The following PRKN variants were observed in gnomAD, a reference collection of about 807,000 sequenced individuals.
PRKN encodes the protein parkin RBR E3 ubiquitin protein ligase, also known as E3 ubiquitin-protein ligase parkin.
In PRKN, 56 loss-of-function variants were observed where a neutral mutation model predicts 59.5. That is an observed-to-expected ratio of 0.94 (90% CI 0.76 to 1.18). The LOEUF is 1.18. Ranked by LOEUF, PRKN falls within the 50% of genes most tolerant of loss-of-function variation. The probability of loss-of-function intolerance (pLI) is 0.00; values close to 1 mark genes in which losing one functional copy is unlikely to be tolerated. For synonymous variants in PRKN, 250 were observed against 222.1 expected (o/e 1.13, Z -1.12); for missense variants, 657 against 596.4 (o/e 1.10, Z -1.06).
In PRKN at chr6:161,376,082, G is replaced by A. The variant is rs1244113857; in HGVS notation, c.1167+10712C>T. Among the ~76,000 whole-genome samples, 1 of 152,210 alleles carries A rather than the reference G, an allele frequency of 6.6e-6. No individual in the cohort carries two copies. Among genetic ancestry groups the A allele is most frequent in the African/African-American group, 2.4e-5 (1 of 41,454 alleles). On this transcript the variant is annotated intron_variant, in intron 10 of 11. Transcript: ENST00000366898. This position sits in a 1 kb window ranked among gnomAD's most constrained non-coding sequence, Gnocchi z 7.3. The stretch of plus-strand genomic sequence containing the variant: ...AATGGCTGAGAGACGGCTCTGCGGT[G>A]AGATGCTGGGGCAAAATAGATCAAA...
intron 9 of PRKN, among the ~76,000 whole-genome samples, chr6:161,450,221 C>T (rs918173105): frequency 2.6e-5 from 4 of 152,152 alleles, no homozygotes; most frequent in African/African-American, 9.7e-5. Flanking sequence ...CCCTGATTGC[C>T]ACTGGCAAAG....
At chr6:161,746,588 C>T (rs1056594241) in intron 7 of PRKN, among the ~76,000 whole-genome samples, 1 of 140,602 alleles carries the variant, frequency 7.1e-6, no homozygotes, top group Non-Finnish European at 1.5e-5. Context: ...TATATATATA[C>T]ACACACACAT....
chr6:161,607,197 C>T (rs1782315117), intron 7 of PRKN, among the ~76,000 whole-genome samples: 1 of 152,230 alleles, frequency 6.6e-6, no homozygotes, highest in Admixed American at 6.5e-5. Flanking sequence ...CCCTTCCTCA[C>T]ATCCTGTTCA....
chr6:161,779,956 C>T (rs1790134872), intron 7 of PRKN, among the ~76,000 whole-genome samples: 1 of 152,132 alleles, frequency 6.6e-6, no homozygotes, highest in Non-Finnish European at 1.5e-5. Context: ...TAAATATACA[C>T]ATACATGCAG....
intron 4 of PRKN, among the ~76,000 whole-genome samples, chr6:162,162,266 C>A (rs1015382090): frequency 1.8e-4 from 28 of 152,192 alleles, no homozygotes; most frequent in Admixed American, 1.6e-3. Flanking sequence ...CCGCACCTGA[C>A]CTTACATAGC....
chr6:161,380,941 A>C (rs1785951548), intron 10 of PRKN, among the ~76,000 whole-genome samples: 1 of 152,138 alleles, frequency 6.6e-6, no homozygotes, highest in Non-Finnish European at 1.5e-5. Context: ...ACAACAAGCC[A>C]TGCCCACTCC....
At chr6:161,569,548 C>A (rs1780791806) in intron 7 of PRKN, 132 bp from the exon 8 acceptor site, 2 of 770,306 alleles carry the variant, frequency 2.6e-6, no homozygotes, top group Non-Finnish European at 4.5e-6. Context: ...CTGAAAAACA[C>A]ACATCTAACC....
chr6:162,651,223 T>C (rs1005756105), intron 1 of PRKN, among the ~76,000 whole-genome samples: 3 of 152,186 alleles, frequency 2.0e-5, no homozygotes, highest in Non-Finnish European at 2.9e-5. Flanking sequence ...TCCTGGTACA[T>C]TTTTCAGAAA....
intron 2 of PRKN, among the ~76,000 whole-genome samples, chr6:162,323,133 A>C (rs1713788483): frequency 6.6e-6 from 1 of 151,236 alleles, no homozygotes. Flanking sequence ...ATGACGAGTT[A>C]GTGGGTGCAG....
At chr6:162,160,503 C>T (rs1782706339) in intron 4 of PRKN, among the ~76,000 whole-genome samples, 1 of 152,012 alleles carries the variant, frequency 6.6e-6, no homozygotes, top group Non-Finnish European at 1.5e-5. Context: ...CAGGTATTTA[C>T]AGATATCAAA....
chr6:161,990,151 C>G (rs553667457), intron 5 of PRKN, among the ~76,000 whole-genome samples: 132 of 152,220 alleles, frequency 8.7e-4, no homozygotes, highest in Non-Finnish European at 1.3e-3. Flanking sequence ...TTGGCATACC[C>G]AAACCACTGG....
At chr6:162,040,572 ATTTT>A (rs35272845) in intron 5 of PRKN, among the ~76,000 whole-genome samples, 1 of 113,080 alleles carries the variant, frequency 8.8e-6, no homozygotes, top group Admixed American at 9.6e-5. Context: ...ATGCCCGGCT[ATTTT>A]TTTTTTTTTT....
Position 161,360,057 on chromosome 6 carries a change from C to T in PRKN, c.1285+31G>A, listed in dbSNP as rs1164544607. 1 of 1,458,544 alleles carries T rather than the reference C, an allele frequency of 6.9e-7. No homozygotes were observed. The highest frequency in any genetic ancestry group is 9.6e-7 in the Non-Finnish European group (1 of 1,037,876). The allele number at this position is 1,458,544 out of a possible 1,614,324, so 90.4% of individuals were successfully genotyped here. ...TGATTCTCCCCCAAAGAGCACACGA[C>T]ATCCTCATTCTCTGCTCAGCACAGA... is the stretch of plus-strand genomic sequence containing the variant. On this transcript the variant is annotated intron_variant, in intron 11 of 11. Transcript: ENST00000366898. The surrounding 1 kb of genome is among the most constrained non-coding windows in gnomAD (Gnocchi z 5.1).
chr6:161,845,315 C>T (rs921220201), intron 6 of PRKN, among the ~76,000 whole-genome samples: 6 of 152,120 alleles, frequency 3.9e-5, no homozygotes, highest in South Asian at 2.1e-4. Context: ...GTGTGCCCTA[C>T]AAATATCATC....
At position 162,727,722 on chromosome 6, in the gene PRKN, GCGC is replaced by G. The variant is rs770336825; in HGVS notation, c.-57_-55del. On this transcript the variant is annotated 5_prime_UTR_variant, in exon 1 of 12. Transcript: ENST00000366898. ...CAGGAACAGGCCCATGCGCGCAGCG[GCGC>G]CAGCCGCGCCTCCCACCAGCGGCTC... 8 of 1,536,008 alleles carry G rather than the reference GCGC, an allele frequency of 5.2e-6. No individual in the cohort carries two copies. The South Asian group carries it at 8.4e-5, about 16-fold the overall frequency.
intron 10 of PRKN, among the ~76,000 whole-genome samples, chr6:161,374,309 C>T (rs984865014): frequency 1.7e-4 from 25 of 147,044 alleles, no homozygotes; most frequent in Non-Finnish European, 2.4e-4. Flanking sequence ...ATGTGGTGCG[C>T]GTGTGTTGTG....
intron 1 of PRKN, among the ~76,000 whole-genome samples, chr6:162,527,421 T>C (rs188336562): frequency 2.6e-5 from 4 of 152,284 alleles, no homozygotes; most frequent in East Asian, 3.9e-4. Flanking sequence ...CAAAATAAAA[T>C]AGTTACAAAG....
rs1777859342 is a variant in PRKN, at chr6:162,056,225, C to T, written c.535-2051G>A. ...CATGTGCACATGTATCCCTCACACC[C>T]CACACGCCTAACACACCCCACACAC... is the stretch of plus-strand genomic sequence containing the variant. On this transcript the variant is annotated intron_variant, in intron 4 of 11. Coordinates refer to ENST00000366898, the MANE Select transcript of PRKN (RefSeq NM_004562.3). The surrounding 1 kb of genome is among the most constrained non-coding windows in gnomAD (Gnocchi z 4.9). Among the ~76,000 whole-genome samples, 1 of 151,362 alleles carries T rather than the reference C, an allele frequency of 6.6e-6. No individual in the cohort carries two copies. Among genetic ancestry groups the T allele is most frequent in the South Asian group, 2.1e-4 (1 of 4,774 alleles).
At chr6:162,362,122 T>C (rs1420680358) in intron 2 of PRKN, among the ~76,000 whole-genome samples, 1 of 152,212 alleles carries the variant, frequency 6.6e-6, no homozygotes, top group Non-Finnish European at 1.5e-5. Context: ...ATCAAAAGGA[T>C]ACTCATTTAT....
Sources: allele counts gnomAD v4.1 joint callset (sites outside exome capture counted in the v4.1 genomes callset), GRCh38; gene constraint gnomAD v4.1.1; non-coding constraint Gnocchi (gnomAD v3.1); transcripts MANE v1.5; gene names NCBI Gene and HGNC (gene_info 2026-07-23, HGNC 2026-07-21).